AGAP1: variants seen among roughly 807,000 people sequenced by gnomAD.
AGAP1 encodes arf-GAP with GTPase, ANK repeat and PH domain-containing protein 1.
A neutral mutation model predicts 105.3 loss-of-function variants in AGAP1; 29 were observed. The ratio of observed to expected loss-of-function variants is 0.28; its 90% CI spans 0.21 to 0.38. AGAP1 has a LOEUF of 0.38. Ranked by LOEUF, AGAP1 falls within the 10% of genes least tolerant of loss-of-function variation. The pLI is 1.00. For missense variants in AGAP1, 998 were observed against 1,165.1 expected, an observed-to-expected ratio of 0.86 and a Z score of 2.09; for synonymous variants, 509 against 485.9, an observed-to-expected ratio of 1.05 and a Z score of -0.63.
At chr2:235,730,252 G>A (rs1424534968) in intron 3 of AGAP1, among the ~76,000 whole-genome samples, 1 of 152,026 alleles carries the variant, frequency 6.6e-6, no homozygotes, top group Non-Finnish European at 1.5e-5. Flanking sequence ...TGAGGGACAA[G>A]GAGCCTGTGT....
chr2:235,547,374 T>C (rs1229748963), intron 1 of AGAP1, among the ~76,000 whole-genome samples: 9 of 149,654 alleles, frequency 6.0e-5, no homozygotes, highest in Admixed American at 1.3e-4. Flanking sequence ...TTTTTTTTTT[T>C]CTGAGATGGA....
intron 1 of AGAP1, among the ~76,000 whole-genome samples, chr2:235,616,551 C>T (rs1353545813): frequency 1.3e-5 from 2 of 152,094 alleles, no homozygotes; most frequent in Non-Finnish European, 2.9e-5. Flanking sequence ...TGTATTTGAC[C>T]TCTGACCTGG....
intron 1 of AGAP1, among the ~76,000 whole-genome samples, chr2:235,520,230 T>C (rs919099888): frequency 2.6e-5 from 4 of 152,334 alleles, no homozygotes; most frequent in African/African-American, 9.6e-5. Flanking sequence ...TGGTCAAATA[T>C]CCAGTCTGTG....
rs1042373985 is a variant in AGAP1 at position 235,855,841 on chromosome 2, T to A, written c.1051-27504T>A. Among the ~76,000 whole-genome samples, 2 of 152,184 alleles carry A rather than the reference T, an allele frequency of 1.3e-5. No individual in the cohort carries two copies. The highest frequency in any genetic ancestry group is 2.9e-5 in the Non-Finnish European group (2 of 68,026). ...TTGTTTACCCTATGAGGTCTCTAGA[T>A]GCACGGAGGCTACTGCATTCCCAGG... On this transcript the variant is annotated intron_variant, in intron 9 of 17. Coordinates refer to ENST00000304032, the MANE Select transcript of AGAP1 (RefSeq NM_001037131.3). The surrounding 1 kb of genome is among the most constrained non-coding windows in gnomAD (Gnocchi z 5.0).
Position 236,093,637 on chromosome 2 carries a change from A to G in AGAP1, c.2115-26555A>G, listed in dbSNP as rs1158166682. Among the ~76,000 whole-genome samples the G allele has an allele frequency of 2.0e-5, 3 of 152,202 alleles. 1 individual carries two copies. The highest frequency in any genetic ancestry group is 4.4e-5 in the Non-Finnish European group (3 of 68,036). On this transcript the variant is annotated intron_variant, in intron 16 of 17. Transcript: ENST00000304032. ...TGACCAAAGGCAACATATATCCTGG[A>G]TTGGGAGAGAAATTCAGCCCTAGAA...
At chr2:235,857,868 C>G (rs2048753926) in intron 9 of AGAP1, among the ~76,000 whole-genome samples, 1 of 152,214 alleles carries the variant, frequency 6.6e-6, no homozygotes, top group Non-Finnish European at 1.5e-5. Flanking sequence ...CCTGCAGAAG[C>G]AGGCCTATCG....
Position 235,976,397 on chromosome 2 carries a change from C to T in AGAP1, c.1645+7774C>T, listed in dbSNP as rs1000894414. ...GCCACAAACACACACAAGCAGTAAG[C>T]GCTCTCAGATCCTTTGTGGAAGCCA... On this transcript the variant is annotated intron_variant, in intron 13 of 17. Coordinates refer to ENST00000304032, the MANE Select transcript of AGAP1 (RefSeq NM_001037131.3). This position sits in a 1 kb window ranked among gnomAD's most constrained non-coding sequence, Gnocchi z 4.5. Among the ~76,000 whole-genome samples, 6 of 152,160 alleles carry T rather than the reference C, an allele frequency of 3.9e-5. No individual in the cohort carries two copies. Among genetic ancestry groups the T allele is most frequent in the Non-Finnish European group, 5.9e-5 (4 of 68,052 alleles).
chr2:235,592,409 G>A (rs978758567), intron 1 of AGAP1, among the ~76,000 whole-genome samples: 2 of 152,028 alleles, frequency 1.3e-5, no homozygotes, highest in African/African-American at 2.4e-5. Context: ...GTTCTGGGGG[G>A]CAGTGAGCAG....
rs563748255 is a variant in AGAP1, at chr2:236,103,157, G to A, written c.2115-17035G>A. ...CAGACAGCACATGTGTCGTGGAGGG[G>A]TCTCCCTCACCAAAACCAGCACCTC... On this transcript the variant is annotated intron_variant, in intron 16 of 17. Coordinates refer to ENST00000304032, the MANE Select transcript of AGAP1 (RefSeq NM_001037131.3). Among the ~76,000 whole-genome samples, 14 of 152,134 alleles carry A rather than the reference G, an allele frequency of 9.2e-5. No individual in the cohort carries two copies. The South Asian group carries it at 2.9e-3, about 32-fold the overall frequency.
At chr2:235,935,237 C>T (rs1345997905) in intron 12 of AGAP1, among the ~76,000 whole-genome samples, 7 of 152,104 alleles carry the variant, frequency 4.6e-5, no homozygotes, top group African/African-American at 1.4e-4. Flanking sequence ...GCAGACAGCT[C>T]GGTTGAGGGT....
intron 2 of AGAP1, among the ~76,000 whole-genome samples, chr2:235,717,106 T>C (rs1012192888): frequency 6.6e-6 from 1 of 151,982 alleles, no homozygotes; most frequent in Admixed American, 6.6e-5. Flanking sequence ...CCCCCAAGTC[T>C]ACCCTAGACT....
intron 1 of AGAP1, among the ~76,000 whole-genome samples, chr2:235,508,777 T>A (rs951406813): frequency 1.3e-5 from 2 of 152,250 alleles, no homozygotes; most frequent in Non-Finnish European, 2.9e-5. Flanking sequence ...GAGATGTTAG[T>A]GGGCAGTTAA....
rs886751595 is a variant in AGAP1 at position 236,003,537 on chromosome 2, G to C, written c.1646-33024G>C. The stretch of plus-strand genomic sequence containing the variant: ...CAAGGGACCCATGGCCCAGAGCCCA[G>C]AGTCACCCGCAGCCCCCCTGCGCTG... On this transcript the variant is annotated intron_variant, in intron 13 of 17. Transcript: ENST00000304032. This position sits in a 1 kb window ranked among gnomAD's most constrained non-coding sequence, Gnocchi z 4.2. 1.3e-5 allele frequency among the ~76,000 whole-genome samples: 2 copies of C among 152,232 alleles called. No individual in the cohort carries two copies. Among genetic ancestry groups the C allele is most frequent in the Non-Finnish European group, 2.9e-5 (2 of 68,044 alleles).
chr2:235,797,217 A>G (rs1957281830), intron 6 of AGAP1, among the ~76,000 whole-genome samples: 1 of 152,086 alleles, frequency 6.6e-6, no homozygotes, highest in African/African-American at 2.4e-5. Context: ...AAGTAACTGG[A>G]AAAAAAGATG....
rs1405605091 is a variant in AGAP1, at chr2:236,125,386, A to T, written c.*1264A>T. On this transcript the variant is annotated 3_prime_UTR_variant, in exon 18 of 18. Transcript: ENST00000304032. The surrounding 1 kb of genome is among the most constrained non-coding windows in gnomAD (Gnocchi z 5.2). ...TACATGGAAAATATTCCCAGCAGTA[A>T]ACACTTCCATTAATGTGATCTACGG... is the stretch of plus-strand genomic sequence containing the variant. 6.6e-6 allele frequency: 1 copy of T among 152,628 alleles called. No individual in the cohort carries two copies. Among genetic ancestry groups the T allele is most frequent in the African/African-American group, 2.4e-5 (1 of 41,454 alleles). 9.5% of individuals were successfully genotyped at this position (152,628 alleles called of 1,614,324 possible).
In AGAP1 at chr2:235,622,889, C is replaced by G. The variant is rs114953596; in HGVS notation, c.164-86290C>G. 0.025 allele frequency among the ~76,000 whole-genome samples: 3,744 copies of G among 152,166 alleles called. 63 individuals are homozygous for G. Among genetic ancestry groups the G allele is most frequent in the Non-Finnish European group, 0.038 (2,607 of 68,010 alleles). On this transcript the variant is annotated intron_variant, in intron 1 of 17. Coordinates refer to ENST00000304032, the MANE Select transcript of AGAP1 (RefSeq NM_001037131.3). The surrounding 1 kb of genome is among the most constrained non-coding windows in gnomAD (Gnocchi z 5.0). ...GATGTTAATAGTCTCTTCTTGGAGT[C>G]AGCACTGCTTCACGGTCCTATTGGC...
chr2:235,784,945 A>G (rs1052874870), intron 6 of AGAP1, among the ~76,000 whole-genome samples: 1 of 152,186 alleles, frequency 6.6e-6, no homozygotes, highest in Non-Finnish European at 1.5e-5. Context: ...GACCAAGTGG[A>G]AATCTGTTTT....
intron 1 of AGAP1, among the ~76,000 whole-genome samples, chr2:235,674,919 C>T (rs1241664049): frequency 1.3e-5 from 2 of 151,906 alleles, no homozygotes; most frequent in African/African-American, 2.4e-5. Flanking sequence ...CATCTCTTGA[C>T]CTCTTGATCC....
Position 235,686,620 on chromosome 2 carries a change from G to GATATAT in AGAP1, c.164-22539_164-22534dup, listed in dbSNP as rs1194270184. On this transcript the variant is annotated intron_variant, in intron 1 of 17. Coordinates refer to ENST00000304032, the MANE Select transcript of AGAP1 (RefSeq NM_001037131.3). The stretch of plus-strand genomic sequence containing the variant: ...GTGTATATATATACGTGGAGATATA[G>GATATAT]ATATATATATATATATATATATATA... Among the ~76,000 whole-genome samples, 301 of 57,216 alleles carry GATATAT rather than the reference G, an allele frequency of 5.3e-3. 5 individuals carry two copies. The highest frequency in any genetic ancestry group is 0.028 in the Middle Eastern group (3 of 106). 37.5% of individuals were successfully genotyped at this position (57,216 alleles called of 152,430 possible).
Sources: gnomAD v4.1 joint callset for allele counts (sites outside exome capture counted in the v4.1 genomes callset) on GRCh38, gnomAD v4.1.1 for gene constraint, Gnocchi (gnomAD v3.1) non-coding constraint, MANE v1.5 for transcripts, NCBI Gene and HGNC (gene_info 2026-07-23, HGNC 2026-07-21) for gene names.